TMEM120B: variants seen among roughly 807,000 people sequenced by gnomAD.
TMEM120B encodes the protein transmembrane protein 120B.
Under a neutral mutation model 55.5 loss-of-function variants are expected in TMEM120B, and 31 were observed. That is an observed-to-expected ratio of 0.56 (90% confidence interval 0.42 to 0.75). The LOEUF is 0.75. TMEM120B is among the 30% of genes least tolerant of loss of function. The probability of loss-of-function intolerance (pLI) is 0.00; values close to 1 mark genes in which losing one functional copy is unlikely to be tolerated. For missense variants in TMEM120B, 399 were observed against 425.5 expected (o/e 0.94, Z 0.55); for synonymous variants, 203 against 176.3 (o/e 1.15, Z -1.20).
chr12:121,746,665 G>T (rs1256575947), intron 2 of TMEM120B, among the ~76,000 whole-genome samples: 1 of 152,098 alleles, frequency 6.6e-6, no homozygotes, highest in African/African-American at 2.4e-5. Flanking sequence ...TTAGAAAAAT[G>T]AGAAGAAGGC....
At chr12:121,751,529 A>G (rs919724867) in intron 4 of TMEM120B, among the ~76,000 whole-genome samples, 2 of 151,558 alleles carry the variant, frequency 1.3e-5, no homozygotes, top group Non-Finnish European at 2.9e-5. Flanking sequence ...GAATTTTTGC[A>G]TAAATAAAAA....
chr12:121,753,147 G>A (rs966471687), intron 5 of TMEM120B, among the ~76,000 whole-genome samples: 11 of 152,008 alleles, frequency 7.2e-5, no homozygotes, highest in African/African-American at 2.4e-4. Flanking sequence ...TCACCAGTAC[G>A]GAGCCAGGCT....
intron 1 of TMEM120B, among the ~76,000 whole-genome samples, chr12:121,734,256 CTTTCTT>C (rs1419173947): frequency 1.3e-5 from 2 of 150,082 alleles, no homozygotes; most frequent in Non-Finnish European, 3.0e-5. Context: ...CTGGAGGTTT[CTTTCTT>C]TTTCTTTTTT....
chr12:121,715,590 G>A (rs2137434), intron 1 of TMEM120B, among the ~76,000 whole-genome samples: 52,916 of 151,838 alleles, frequency 0.35, 9,384 homozygotes, highest in Admixed American at 0.38. Context: ...CCTCCTGCTC[G>A]GTTCATGATG....
intron 3 of TMEM120B, 117 bp downstream of exon 3, chr12:121,748,559 C>A (rs1873176610): frequency 8.6e-6 from 6 of 696,816 alleles, no homozygotes; most frequent in Non-Finnish European, 1.5e-5. Context: ...AAGAGGGAAA[C>A]AAGGGCAGGA....
At chr12:121,754,879 T>C (rs568544973) in intron 5 of TMEM120B, among the ~76,000 whole-genome samples, 3 of 152,282 alleles carry the variant, frequency 2.0e-5, no homozygotes, top group South Asian at 2.1e-4. Context: ...TCTGTGCCGG[T>C]GCCCCCGGGA....
intron 9 of TMEM120B, 23 bp downstream of exon 9, chr12:121,773,536 G>T: frequency 6.4e-7 from 1 of 1,560,184 alleles, no homozygotes; most frequent in Non-Finnish European, 8.7e-7. Context: ...GCCTGGGTTG[G>T]AGCCGGGGCA....
At position 121,781,231 on chromosome 12, in the gene TMEM120B, T is replaced by C; in HGVS notation, c.*5509T>C. The C allele has an allele frequency of 6.3e-7, 1 of 1,579,922 alleles. No homozygotes were observed. Among genetic ancestry groups the C allele is most frequent in the South Asian group, 1.1e-5 (1 of 89,874 alleles). ...GCAGCGGGGGTCAGGGGACGTCCCC[T>C]CCCTGTCTGGACTCTGACGGGTGAA... On this transcript the variant is annotated 3_prime_UTR_variant, in exon 12 of 12. Transcript: ENST00000449592.
chr12:121,760,697 T>C (rs1021103437), intron 5 of TMEM120B, among the ~76,000 whole-genome samples: 1 of 152,138 alleles, frequency 6.6e-6, no homozygotes, highest in Non-Finnish European at 1.5e-5. Flanking sequence ...TATAGGGAGA[T>C]TGCCTTTCCC....
At chr12:121,754,419 A>C (rs1030973393) in intron 5 of TMEM120B, among the ~76,000 whole-genome samples, 1 of 152,172 alleles carries the variant, frequency 6.6e-6, no homozygotes, top group Non-Finnish European at 1.5e-5. Flanking sequence ...GGGCCACTGT[A>C]ACTAAGTACC....
chr12:121,770,880 C>T (rs1231672941), intron 6 of TMEM120B, 27 bp from the exon 7 acceptor site: 1 of 1,612,082 alleles, frequency 6.2e-7, no homozygotes, highest in Non-Finnish European at 8.5e-7. Context: ...CCCTCCTGAG[C>T]ACTTTCCGTT....
At chr12:121,739,727 C>T (rs1872875135) in intron 1 of TMEM120B, among the ~76,000 whole-genome samples, 3 of 151,992 alleles carry the variant, frequency 2.0e-5, no homozygotes, top group South Asian at 4.1e-4. Flanking sequence ...ACACCACAGC[C>T]TCCCAAAGTG....
At chr12:121,771,397 C>CGAAA (rs1566526085) in intron 7 of TMEM120B, 91 bp from the exon 8 acceptor site, 1 of 1,141,588 alleles carries the variant, frequency 8.8e-7, no homozygotes, top group Non-Finnish European at 1.3e-6. Context: ...TACACCTTTT[C>CGAAA]GCCTCTTCTG....
At chr12:121,725,517 C>T (rs1202619475) in intron 1 of TMEM120B, among the ~76,000 whole-genome samples, 1 of 152,158 alleles carries the variant, frequency 6.6e-6, no homozygotes, top group Non-Finnish European at 1.5e-5. Flanking sequence ...TCCACACAGA[C>T]TTACATGACA....
intron 1 of TMEM120B, among the ~76,000 whole-genome samples, chr12:121,726,306 G>A (rs1404216993): frequency 2.6e-5 from 4 of 151,968 alleles, no homozygotes; most frequent in East Asian, 1.9e-4. Context: ...TCGGCTGGGC[G>A]CAGTGGCTCA....
chr12:121,759,485 C>G (rs893086363), intron 5 of TMEM120B, among the ~76,000 whole-genome samples: 9 of 151,418 alleles, frequency 5.9e-5, no homozygotes, highest in Non-Finnish European at 1.3e-4. Flanking sequence ...TGAGACCAGC[C>G]TGGCCAATGT....
chr12:121,730,945 C>T (rs999079370), intron 1 of TMEM120B, among the ~76,000 whole-genome samples: 2 of 150,630 alleles, frequency 1.3e-5, no homozygotes, highest in African/African-American at 2.4e-5. Context: ...GTAACAAGAG[C>T]GAAACTCTGT....
chr12:121,753,343 GTT>G (rs1055443891), intron 5 of TMEM120B, among the ~76,000 whole-genome samples: 1 of 151,488 alleles, frequency 6.6e-6, no homozygotes, highest in African/African-American at 2.4e-5. Flanking sequence ...TGGGTACAAG[GTT>G]TTTTTTTAGA....
At chr12:121,724,615 GTTTT>G (rs11321046) in intron 1 of TMEM120B, among the ~76,000 whole-genome samples, 1 of 137,664 alleles carries the variant, frequency 7.3e-6, no homozygotes, top group African/African-American at 2.7e-5. Flanking sequence ...TAAAAGTTGT[GTTTT>G]TTTTTTTTTG....
Sources: gnomAD v4.1 joint callset for allele counts (sites outside exome capture counted in the v4.1 genomes callset) on GRCh38, gnomAD v4.1.1 for gene constraint, MANE v1.5 for transcripts, NCBI Gene and HGNC (gene_info 2026-07-23, HGNC 2026-07-21) for gene names.